Variants in CALN1 observed in about 807,000 individuals in gnomAD.
CALN1 encodes the protein calneuron 1.
CALN1 carries 17 observed loss-of-function variants against 30.6 expected under a neutral mutation model. That is an observed-to-expected ratio of 0.56 (90% CI 0.38 to 0.83). The LOEUF is 0.83. Among genes scored for constraint, CALN1 ranks in the 40% least tolerant of loss-of-function variants. The probability of loss-of-function intolerance (pLI) is 0.00; values close to 1 mark genes in which losing one functional copy is unlikely to be tolerated. For missense variants in CALN1, 291 were observed against 354.9 expected (o/e 0.82, Z 1.45); for synonymous variants, 156 against 131.4 (o/e 1.19, Z -1.28).
chr7:72,257,885 T>C (rs942424484), intron 3 of CALN1, among the ~76,000 whole-genome samples: 22 of 152,162 alleles, frequency 1.4e-4, no homozygotes, highest in Non-Finnish European at 2.8e-4. Flanking sequence ...AATACTGTGT[T>C]TTCTCACTTC....
At chr7:72,069,056 C>T (rs1287656387) in intron 4 of CALN1, among the ~76,000 whole-genome samples, 2 of 152,286 alleles carry the variant, frequency 1.3e-5, no homozygotes, top group South Asian at 4.1e-4. Flanking sequence ...ATGAAAATTG[C>T]TTTCCCATCA....
At chr7:72,372,176 T>C (rs1385009528) in intron 2 of CALN1, among the ~76,000 whole-genome samples, 3 of 152,204 alleles carry the variant, frequency 2.0e-5, no homozygotes, top group South Asian at 2.1e-4. Context: ...TTTCCTTTTC[T>C]CTATCATCTT....
chr7:72,182,780 A>C (rs1472626094), intron 3 of CALN1, among the ~76,000 whole-genome samples: 2 of 148,492 alleles, frequency 1.3e-5, no homozygotes, highest in Admixed American at 6.8e-5. Context: ...AAAAAAAAAA[A>C]CAAACAAAAA....
chr7:72,255,042 T>G (rs1301677163), intron 3 of CALN1, among the ~76,000 whole-genome samples: 1 of 152,050 alleles, frequency 6.6e-6, no homozygotes, highest in Non-Finnish European at 1.5e-5. Context: ...CCACCCACCT[T>G]GGCCTCTCAA....
intron 5 of CALN1, among the ~76,000 whole-genome samples, chr7:71,872,816 G>A (rs1053105687): frequency 6.6e-6 from 1 of 151,654 alleles, no homozygotes; most frequent in Non-Finnish European, 1.5e-5. Context: ...GTTTCACCAT[G>A]TTGGCCAGGC....
At chr7:71,859,307 C>T (rs1791135760) in intron 5 of CALN1, among the ~76,000 whole-genome samples, 1 of 152,172 alleles carries the variant, frequency 6.6e-6, no homozygotes, top group Non-Finnish European at 1.5e-5. Flanking sequence ...AAGCAATCTG[C>T]CCGCCTCAGC....
intron 5 of CALN1, among the ~76,000 whole-genome samples, chr7:71,872,374 C>G (rs1791986432): frequency 6.6e-6 from 1 of 152,176 alleles, no homozygotes; most frequent in Non-Finnish European, 1.5e-5. Flanking sequence ...ATTCTAAGCT[C>G]TGCAGAATCT....
the CALN1 span, among the ~76,000 whole-genome samples, chr7:72,463,515 TC>T: frequency 4.6e-5 from 7 of 152,104 alleles, no homozygotes; most frequent in African/African-American, 7.2e-5. Flanking sequence ...ACAGTGGTAC[TC>T]CCCCCAACAT....
At chr7:72,224,843 C>T (rs559308963) in intron 3 of CALN1, among the ~76,000 whole-genome samples, 1 of 151,912 alleles carries the variant, frequency 6.6e-6, no homozygotes, top group East Asian at 2.0e-4. Context: ...AATCCCAGCA[C>T]TTTGGGAAGT....
At chr7:71,942,937 T>C (rs1167960947) in intron 5 of CALN1, among the ~76,000 whole-genome samples, 2 of 152,126 alleles carry the variant, frequency 1.3e-5, no homozygotes, top group African/African-American at 2.4e-5. Flanking sequence ...TGTAACCGTT[T>C]GTGTATCACT....
intron 5 of CALN1, among the ~76,000 whole-genome samples, chr7:72,010,521 A>G (rs1800009131): frequency 6.6e-6 from 1 of 152,152 alleles, no homozygotes; most frequent in African/African-American, 2.4e-5. Flanking sequence ...ACATTTAATG[A>G]AAAATTAAAA....
intron 5 of CALN1, among the ~76,000 whole-genome samples, chr7:71,865,872 GCTC>G (rs746281794): frequency 4.6e-5 from 7 of 152,246 alleles, no homozygotes; most frequent in African/African-American, 7.2e-5. Context: ...TGTGACAAAT[GCTC>G]CTAAGTTAAT....
chr7:72,383,025 A>T (rs1301224765), intron 2 of CALN1, among the ~76,000 whole-genome samples: 1 of 152,076 alleles, frequency 6.6e-6, no homozygotes, highest in Non-Finnish European at 1.5e-5. Context: ...TGACCTCATG[A>T]TCCACCCTCC....
chr7:72,241,107 A>G (rs531390), intron 3 of CALN1, among the ~76,000 whole-genome samples: 109,883 of 152,090 alleles, frequency 0.72, 40,576 homozygotes, highest in East Asian at 1. Context: ...TCTGGCACAC[A>G]GTAGATTCTT....
chr7:72,100,054 A>T (rs1375519253), intron 4 of CALN1, among the ~76,000 whole-genome samples: 1 of 152,226 alleles, frequency 6.6e-6, no homozygotes, highest in Non-Finnish European at 1.5e-5. Flanking sequence ...GATTTGCAAT[A>T]ATCTAAAAAT....
At chr7:72,120,321 A>AT (rs1808291268) in intron 3 of CALN1, among the ~76,000 whole-genome samples, 2 of 151,982 alleles carry the variant, frequency 1.3e-5, no homozygotes, top group South Asian at 4.1e-4. Flanking sequence ...GCTTTATATC[A>AT]TTTTTTTCAC....
chr7:72,503,734 A>T, the CALN1 span, among the ~76,000 whole-genome samples: 4 of 152,136 alleles, frequency 2.6e-5, no homozygotes, highest in African/African-American at 9.6e-5. Context: ...TCTCCTCTCC[A>T]GCACCTGGAC....
chr7:71,897,297 G>A (rs1372094800), intron 5 of CALN1, among the ~76,000 whole-genome samples: 3 of 152,144 alleles, frequency 2.0e-5, no homozygotes, highest in African/African-American at 7.2e-5. Flanking sequence ...ACCGGGACTT[G>A]TAAGCATAAT....
At chr7:72,179,912 T>C (rs891054765) in intron 3 of CALN1, among the ~76,000 whole-genome samples, 1 of 152,200 alleles carries the variant, frequency 6.6e-6, no homozygotes, top group African/African-American at 2.4e-5. Flanking sequence ...GACATAATAA[T>C]TCTCAGGATT....
Sources: gnomAD v4.1 joint callset for allele counts (sites outside exome capture counted in the v4.1 genomes callset) on GRCh38, gnomAD v4.1.1 for gene constraint, MANE v1.5 for transcripts, NCBI Gene and HGNC (gene_info 2026-07-23, HGNC 2026-07-21) for gene names.